AHNAK: variants seen among roughly 807,000 people sequenced by gnomAD.
AHNAK encodes the protein AHNAK nucleoprotein, also known as neuroblast differentiation-associated protein AHNAK.
Under a neutral mutation model 37.8 loss-of-function variants are expected in AHNAK, and 23 were observed. The observed-to-expected ratio is 0.61, with a 90% CI of 0.44 to 0.86. The LOEUF (loss-of-function observed/expected upper bound fraction) is 0.86, where lower values mean the gene tolerates loss of function less well. Among genes scored for constraint, AHNAK ranks in the 40% least tolerant of loss-of-function variants. The pLI, the probability that AHNAK is intolerant of heterozygous loss-of-function variation, is 0.00. For synonymous variants in AHNAK, 2,481 were observed against 2,636.3 expected (o/e 0.94, Z 1.80); for missense variants, 7,411 against 7,319.4 (o/e 1.01, Z -0.46).
intron 3 of AHNAK, among the ~76,000 whole-genome samples, chr11:62,535,661 A>AC (rs1232488266): frequency 6.6e-6 from 1 of 151,854 alleles, no homozygotes; most frequent in East Asian, 1.9e-4. Context: ...AAAAAAAAAA[A>AC]AGGCCAACTC....
chr11:62,526,383 G>T lies in AHNAK; in HGVS notation c.8034C>A (p.Gly2678=), dbSNP rs1439994561. ...CTGGTCCTTCAATGTTAACATCAGG[G>T]CCTTCAATGTCCACTTTGGGTCCTG... ...DVSGPKVDIE[G]PDVNIEGPEG... The change falls in exon 5 of 5, where the codon GGC becomes GGA. Residue 2678 remains glycine, a synonymous_variant. Transcript: ENST00000378024. The T allele has an allele frequency of 1.2e-6, 2 of 1,602,322 alleles. No individual in the cohort carries two copies. The highest frequency in any genetic ancestry group is 3.4e-5 in the Admixed American group (2 of 58,718).
Position 62,535,928 on chromosome 11 carries a change from ACCCTGGGGTG to A in AHNAK, c.154+7_154+16del. The A allele has an allele frequency of 6.2e-7, 1 of 1,601,946 alleles. No individual in the cohort carries two copies. Among genetic ancestry groups the A allele is most frequent in the Non-Finnish European group, 8.5e-7 (1 of 1,175,750 alleles). ...CCCCAACCACCAGCACCCAGTCCAC[ACCCTGGGGTG>A]ACTCACCCTCCTTGACCACCCCAGT... On this transcript the variant is annotated splice_region_variant and intron_variant, in intron 3 of 4. Transcript: ENST00000378024.
At chr11:62,446,044 A>G (rs1352291178) in intron 5 of AHNAK, among the ~76,000 whole-genome samples, 1 of 152,002 alleles carries the variant, frequency 6.6e-6, no homozygotes, top group Non-Finnish European at 1.5e-5. Context: ...CAAAAATATC[A>G]TCCTATTCTG....
At chr11:62,534,897 A>G in intron 4 of AHNAK, 106 bp downstream of exon 4, 1 of 1,213,722 alleles carries the variant, frequency 8.2e-7, no homozygotes, top group Non-Finnish European at 1.2e-6. Context: ...GAGAAGAAGG[A>G]GCAAAAAGAG....
intron 5 of AHNAK, among the ~76,000 whole-genome samples, chr11:62,483,249 T>C (rs1335038817): frequency 6.6e-6 from 1 of 152,208 alleles, no homozygotes; most frequent in Non-Finnish European, 1.5e-5. Flanking sequence ...TGCAGGCTCA[T>C]GAATCAATCA....
At position 62,532,128 on chromosome 11, in the gene AHNAK, T is replaced by G; in HGVS notation, c.2289A>C (p.Lys763Asn). Reference sequence around the variant, plus strand: ...TCACATCCACTTCTGGGCCCTCTGCTTTGAACCCTGGCACACTGAATTTGG... The same window carrying G: ...TCACATCCACTTCTGGGCCCTCTGCGTTGAACCCTGGCACACTGAATTTGG... Reference protein sequence around the residue: ...KMPKFSVPGFKAEGPEVDVNL... With the variant: ...KMPKFSVPGFNAEGPEVDVNL... Residue 763 changes from lysine (K) to asparagine (N), a missense_variant, in exon 5 of 5, where the codon AAA (lysine) becomes AAC (asparagine). Lys to Asn is a moderately conservative substitution (Grantham distance 94, BLOSUM62 0). Coordinates refer to ENST00000378024, the MANE Select transcript of AHNAK (RefSeq NM_001620.3). 6.2e-7 allele frequency: 1 copy of G among 1,613,764 alleles called. No individual in the cohort carries two copies. Among genetic ancestry groups the G allele is most frequent in the Non-Finnish European group, 8.5e-7 (1 of 1,179,952 alleles).
At chr11:62,511,315 T>G (rs2134182955), downstream of AHNAK, among the ~76,000 whole-genome samples, 1 of 152,138 alleles carries the variant, frequency 6.6e-6, no homozygotes, top group South Asian at 2.1e-4. Flanking sequence ...TGCAGTAGCA[T>G]GATCTCAGCT....
Position 62,521,422 on chromosome 11 carries a change from T to G in AHNAK, c.12995A>C (p.Glu4332Ala). Reference sequence around the variant, plus strand: ...AAGGGTAACATCCACATCTGGGCCCTCTCCTTTGAATCCTGGCATGCTGAA... The same window carrying G: ...AAGGGTAACATCCACATCTGGGCCCGCTCCTTTGAATCCTGGCATGCTGAA... ...PKFSMPGFKG[E>A]GPDVDVTLPK... The change falls in exon 5 of 5, where the codon GAG (glutamate) becomes GCG (alanine). Residue 4332 changes from glutamate (E) to alanine (A), a missense_variant. Glu to Ala is a moderately radical substitution (Grantham distance 107). Transcript: ENST00000378024. The G allele has an allele frequency of 1.9e-6, 3 of 1,613,916 alleles. No individual in the cohort carries two copies. The highest frequency in any genetic ancestry group is 2.5e-6 in the Non-Finnish European group (3 of 1,179,994).
chr11:62,485,701 CAAAAA>C (rs1286819688), intron 5 of AHNAK, among the ~76,000 whole-genome samples: 5 of 51,946 alleles, frequency 9.6e-5, no homozygotes, highest in African/African-American at 2.9e-4. Context: ...GACTCCATCT[CAAAAA>C]AAAAAAAAAA....
intron 5 of AHNAK, among the ~76,000 whole-genome samples, chr11:62,473,621 C>T (rs1939085754): frequency 6.6e-6 from 1 of 151,198 alleles, no homozygotes; most frequent in Non-Finnish European, 1.5e-5. Flanking sequence ...GGAGGCAGAG[C>T]TTGCAGTGAG....
intron 1 of AHNAK, chr11:62,545,935 C>T (rs944836278): frequency 6.6e-6 from 1 of 152,262 alleles, no homozygotes; most frequent in Non-Finnish European, 1.5e-5. Context: ...CAGCGCACCC[C>T]CCTCCTCGCC....
At chr11:62,506,085 G>A (rs777512601) in intron 4 of AHNAK, among the ~76,000 whole-genome samples, 2 of 150,888 alleles carry the variant, frequency 1.3e-5, no homozygotes, top group African/African-American at 2.4e-5. Flanking sequence ...GGCGCACGCC[G>A]GTAGTTCCAG....
Position 62,533,990 on chromosome 11 carries a change from G to A in AHNAK, c.427C>T (p.Leu143Phe). 1 of 1,605,842 alleles carries A rather than the reference G, an allele frequency of 6.2e-7. No individual in the cohort carries two copies. The highest frequency in any genetic ancestry group is 8.5e-7 in the Non-Finnish European group (1 of 1,174,762). Residue 143 changes from leucine to phenylalanine, a missense_variant, in exon 5 of 5, where the codon CTC (leucine) becomes TTC (phenylalanine). By Grantham distance (22) the Leu-to-Phe change is conservative (BLOSUM62 0). Coordinates refer to ENST00000378024, the MANE Select transcript of AHNAK (RefSeq NM_001620.3). ...LKSEDGVEGDLGETQSRTITV... is the reference protein window; with the variant it reads ...LKSEDGVEGDFGETQSRTITV... The stretch of plus-strand genomic sequence containing the variant: ...ATGGTACGGCTCTGGGTCTCCCCGA[G>A]GTCTCCTTCCACTCCATCTTCCGAC...
intron 4 of AHNAK, among the ~76,000 whole-genome samples, chr11:62,496,394 G>T (rs1590630107): frequency 6.6e-6 from 1 of 152,106 alleles, no homozygotes; most frequent in African/African-American, 2.4e-5. Context: ...AAACTGTACG[G>T]AAATCATCAA....
At position 62,523,944 on chromosome 11, in the gene AHNAK, C is replaced by T. The variant is rs779115909; in HGVS notation, c.10473G>A (p.Gly3491=). ...KFSVSGLKAE[G]PDVAVDLPKG... is the part of the protein sequence containing the mutation. ...TTGGTAGATCCACAGCTACATCTGGCCCTTCTGCTTTTAAGCCAGACACAC... is the reference window on the plus strand; with the variant it reads ...TTGGTAGATCCACAGCTACATCTGGTCCTTCTGCTTTTAAGCCAGACACAC... Residue 3491 remains glycine (G), a synonymous_variant, in exon 5 of 5, where the codon GGG becomes GGA. Transcript: ENST00000378024. 1 of 1,613,800 alleles carries T rather than the reference C, an allele frequency of 6.2e-7. No homozygotes were observed. Among genetic ancestry groups the T allele is most frequent in the East Asian group, 2.2e-5 (1 of 44,836 alleles).
intron 5 of AHNAK, among the ~76,000 whole-genome samples, chr11:62,441,437 C>T (rs1054666237): frequency 1.3e-5 from 2 of 152,072 alleles, no homozygotes; most frequent in African/African-American, 4.8e-5. Flanking sequence ...GGAGCCACTG[C>T]CCTCCAACCT....
At chr11:62,540,433 TG>T (rs1941084864) in intron 1 of AHNAK, among the ~76,000 whole-genome samples, 1 of 152,082 alleles carries the variant, frequency 6.6e-6, no homozygotes, top group Non-Finnish European at 1.5e-5. Context: ...GGTGAGAGAA[TG>T]GGAGTGTGCT....
chr11:62,506,430 G>A (rs1939813168), intron 4 of AHNAK, among the ~76,000 whole-genome samples: 1 of 151,988 alleles, frequency 6.6e-6, no homozygotes, highest in African/African-American at 2.4e-5. Context: ...AATCAGCCTC[G>A]CCCTGCAGCC....
At position 62,532,642 on chromosome 11, in the gene AHNAK, G is replaced by C; in HGVS notation, c.1775C>G (p.Pro592Arg). The C allele has an allele frequency of 6.2e-7, 1 of 1,613,120 alleles. No individual in the cohort carries two copies. The highest frequency in any genetic ancestry group is 1.7e-5 in the Admixed American group (1 of 59,948). ...GACTTTGACTTTCCCTTCTACTCTG[G>C]GGAGTGTGACATCTACACCCCCTTT... Reference protein sequence around the residue: ...KVKGGVDVTLPRVEGKVKVPE... With the variant: ...KVKGGVDVTLRRVEGKVKVPE... Residue 592 changes from proline (P) to arginine (R), a missense_variant, in exon 5 of 5, where the codon CCC becomes CGC. Transcript: ENST00000378024.
Sources: gnomAD v4.1 joint callset for allele counts (sites outside exome capture counted in the v4.1 genomes callset) on GRCh38, gnomAD v4.1.1 for gene constraint, MANE v1.5 for transcripts, NCBI Gene and HGNC (gene_info 2026-07-23, HGNC 2026-07-21) for gene names.